Variants in IFI27 observed in about 807,000 individuals in gnomAD.
The protein encoded by IFI27 is interferon alpha-inducible protein 27, mitochondrial.
In IFI27, 3 loss-of-function variants were observed where a neutral mutation model predicts 8.9. The ratio of observed to expected loss-of-function variants is 0.34; its 90% CI spans 0.15 to 0.87. The LOEUF (loss-of-function observed/expected upper bound fraction) is 0.87. Among genes scored for constraint, IFI27 ranks in the 40% least tolerant of loss-of-function variants. The pLI is 0.51. For missense variants in IFI27, 152 were observed against 157.7 expected, an observed-to-expected ratio of 0.96 and a Z score of 0.19; for synonymous variants, 66 against 67.3, an observed-to-expected ratio of 0.98 and a Z score of 0.09.
upstream of IFI27, among the ~76,000 whole-genome samples, chr14:94,108,036 T>C (rs746365091): frequency 6.6e-6 from 1 of 152,204 alleles, no homozygotes; most frequent in Admixed American, 6.5e-5. Context: ...CCCCTCCCTG[T>C]GTCCATGTGT....
chr14:94,115,893 T>C lies in IFI27; in HGVS notation c.234T>C (p.Asn78=), dbSNP rs367792266. 5 of 1,598,312 alleles carry C rather than the reference T, an allele frequency of 3.1e-6. No individual in the cohort carries two copies. The African/African-American group carries it at 5.4e-5, about 17-fold the overall frequency. Reference sequence around the variant, plus strand: ...TGATGTCCGCGGCGGCCATTGCCAATGGGGGTGGAGTTGCCTCGGGCAGCC... The same window carrying C: ...TGATGTCCGCGGCGGCCATTGCCAACGGGGGTGGAGTTGCCTCGGGCAGCC... The change falls in exon 4 of 5, where the codon AAT becomes AAC. Residue 78 remains asparagine (N), a synonymous_variant. Transcript: ENST00000621160.
upstream of IFI27, among the ~76,000 whole-genome samples, chr14:94,108,763 AAAG>A (rs976114252): frequency 1.5e-4 from 23 of 152,226 alleles, no homozygotes; most frequent in Admixed American, 9.8e-4. Context: ...AAAAAAAAAA[AAAG>A]AGAGAGAGGG....
chr14:94,115,095 C>T (rs1340780844), intron 3 of IFI27, among the ~76,000 whole-genome samples: 1 of 152,196 alleles, frequency 6.6e-6, no homozygotes, highest in Non-Finnish European at 1.5e-5. Flanking sequence ...TGCGTGTGGG[C>T]AGGGTGTGGC....
chr14:94,108,301 G>A (rs182664033), upstream of IFI27, among the ~76,000 whole-genome samples: 390 of 152,220 alleles, frequency 2.6e-3, 9 homozygotes, highest in South Asian at 0.053. Context: ...ATAAACATAC[G>A]TGTGCACGTG....
At chr14:94,108,780 CAAATCTTTAAGTA>C (rs1887048980), upstream of IFI27, among the ~76,000 whole-genome samples, 2 of 150,896 alleles carry the variant, frequency 1.3e-5, no homozygotes, top group Admixed American at 6.6e-5. Flanking sequence ...GAGAGGGAGA[CAAATCTTTAAGTA>C]AAATCGTTTT....
Position 94,116,488 on chromosome 14 carries a change from T to G in IFI27, c.330T>G (p.Ile110Met), listed in dbSNP as rs377590267. ...TGACCAAGTTCATCCTGGGCTCCAT[T>G]GGGTCTGCCATTGCGGCTGTCATTG... The change falls in exon 5 of 5, where the codon ATT (isoleucine) becomes ATG (methionine). Residue 110 changes from isoleucine (I) to methionine (M), a missense_variant. Coordinates refer to ENST00000621160, the Ensembl canonical transcript of IFI27. This position sits in a 1 kb window ranked among gnomAD's most constrained non-coding sequence, Gnocchi z 4.3. 177 of 1,613,432 alleles carry G rather than the reference T, an allele frequency of 1.1e-4. 1 individual carries two copies. The Middle Eastern group carries it at 1.5e-3, about 13-fold the overall frequency.
upstream of IFI27, among the ~76,000 whole-genome samples, chr14:94,109,151 C>T (rs1220226580): frequency 6.6e-6 from 1 of 151,800 alleles, no homozygotes; most frequent in Non-Finnish European, 1.5e-5. Flanking sequence ...AAAAATTAGC[C>T]GGGCATGGTG....
At chr14:94,109,488 C>T (rs1053541405), upstream of IFI27, among the ~76,000 whole-genome samples, 6 of 152,086 alleles carry the variant, frequency 3.9e-5, no homozygotes, top group African/African-American at 1.4e-4. Context: ...GAGTTCTGAC[C>T]GCCAAGTGTC....
upstream of IFI27, among the ~76,000 whole-genome samples, chr14:94,107,533 A>G (rs1187698697): frequency 6.6e-6 from 1 of 152,128 alleles, no homozygotes; most frequent in East Asian, 1.9e-4. Context: ...GCATTTGGGC[A>G]ATTAGTTCTC....
rs775408354 is a variant in IFI27 at position 94,111,252 on chromosome 14, C to T, written c.-58-373C>T. On this transcript the variant is annotated intron_variant, in intron 1 of 4. Coordinates refer to ENST00000621160, the Ensembl canonical transcript of IFI27. This position sits in a 1 kb window ranked among gnomAD's most constrained non-coding sequence, Gnocchi z 4.3. ...GGAGATTACATAAGAGCAGGCACCT[C>T]GCCTGCTGTATATGCCTTAAAAATG... 7.2e-5 allele frequency among the ~76,000 whole-genome samples: 11 copies of T among 152,154 alleles called. No individual in the cohort carries two copies. Among genetic ancestry groups the T allele is most frequent in the African/African-American group, 1.2e-4 (5 of 41,436 alleles).
chr14:94,115,940 T>G (rs1371047384), exon 4 of IFI27: 2 of 1,575,368 alleles, frequency 1.3e-6, no homozygotes, highest in South Asian at 1.2e-5. Context: ...CTGCAGTCAC[T>G]GGGTAAGTAT....
rs2239644 is a variant in IFI27 at position 94,111,816 on chromosome 14, G to A, written c.91+43G>A. ...GGGCTGGTGCTGGGGGCGAGGAGGC[G>A]GCTGGGAAGGGCGGGGGTCCTGTCC... On this transcript the variant is annotated intron_variant, in intron 2 of 4. Coordinates refer to ENST00000621160, the Ensembl canonical transcript of IFI27. The surrounding 1 kb of genome is among the most constrained non-coding windows in gnomAD (Gnocchi z 4.3). 2.1e-5 allele frequency: 30 copies of A among 1,459,812 alleles called. No homozygotes were observed. Among genetic ancestry groups the A allele is most frequent in the South Asian group, 4.5e-5 (4 of 87,966 alleles). The allele number at this position is 1,459,812 out of a possible 1,614,324, so 90.4% of individuals were successfully genotyped here. A position where few individuals can be genotyped will look rare whatever the true frequency, so the allele number is the denominator to read the frequency against.
At chr14:94,115,910 C>T (rs755125237) in exon 4 of IFI27, 10 of 1,592,648 alleles carry the variant, frequency 6.3e-6, no homozygotes, top group South Asian at 5.7e-5. Flanking sequence ...GGAGTTGCCT[C>T]GGGCAGCCTT....
upstream of IFI27, among the ~76,000 whole-genome samples, chr14:94,107,197 G>C (rs1418121116): frequency 6.6e-6 from 1 of 152,094 alleles, no homozygotes; most frequent in African/African-American, 2.4e-5. Flanking sequence ...AGCCTCCCAA[G>C]TAGCTGGGAT....
upstream of IFI27, among the ~76,000 whole-genome samples, chr14:94,106,743 G>A (rs531896697): frequency 1.3e-5 from 2 of 152,290 alleles, no homozygotes; most frequent in South Asian, 2.1e-4. Context: ...TTCTGGTGAG[G>A]CCTCAAGAAA....
upstream of IFI27, among the ~76,000 whole-genome samples, chr14:94,109,248 GC>G (rs1445255280): frequency 2.0e-5 from 3 of 150,458 alleles, no homozygotes; most frequent in African/African-American, 7.3e-5. Flanking sequence ...GTTGCAGTGA[GC>G]CGAGATTGCG....
At chr14:94,110,717 T>G (rs1283217034), upstream of IFI27, 1 of 152,208 alleles carries the variant, frequency 6.6e-6, no homozygotes, top group Non-Finnish European at 1.5e-5. Flanking sequence ...TTAAAAGGCC[T>G]GGGATCACAC....
exon 4 of IFI27, chr14:94,115,896 G>A: frequency 1.9e-6 from 3 of 1,597,554 alleles, no homozygotes; most frequent in Non-Finnish European, 2.6e-6. Flanking sequence ...TTGCCAATGG[G>A]GGTGGAGTTG....
At chr14:94,106,596 C>A (rs781689025), upstream of IFI27, among the ~76,000 whole-genome samples, 1 of 152,046 alleles carries the variant, frequency 6.6e-6, no homozygotes, top group African/African-American at 2.4e-5. Context: ...TGCTTTTTGG[C>A]CATTTGTATA....
Sources: gnomAD v4.1 joint callset for allele counts (sites outside exome capture counted in the v4.1 genomes callset) on GRCh38, gnomAD v4.1.1 for gene constraint, Gnocchi (gnomAD v3.1) non-coding constraint, MANE v1.5 for transcripts, NCBI Gene and HGNC (gene_info 2026-07-23, HGNC 2026-07-21) for gene names.